Variants in CAMK2G observed in about 807,000 individuals in gnomAD.
CAMK2G encodes the protein calcium/calmodulin dependent protein kinase II gamma.
In CAMK2G, 23 loss-of-function variants were observed where a neutral mutation model predicts 88.7. The observed-to-expected ratio is 0.26, with a 90% CI of 0.19 to 0.37. The LOEUF (loss-of-function observed/expected upper bound fraction) is 0.37, where lower values mean the gene tolerates loss of function less well. Ranked by LOEUF, CAMK2G falls within the 10% of genes least tolerant of loss-of-function variation. The pLI, the probability that CAMK2G is intolerant of heterozygous loss-of-function variation, is 1.00. For missense variants in CAMK2G, 476 were observed against 780.8 expected (o/e 0.61, Z 4.65); for synonymous variants, 263 against 294.8 (o/e 0.89, Z 1.11).
intron 2 of CAMK2G, among the ~76,000 whole-genome samples, chr10:73,868,941 C>T (rs1315863000): frequency 6.6e-6 from 1 of 152,220 alleles, no homozygotes; most frequent in Non-Finnish European, 1.5e-5. Context: ...GCCTCAGACA[C>T]AGACACCCCA....
rs2093873119 is a variant in CAMK2G, at chr10:73,842,429, G to A, written c.903+29C>T. 2.0e-6 allele frequency: 3 copies of A among 1,527,896 alleles called. 1 individual carries two copies. In the South Asian group the frequency reaches 3.4e-5, roughly 17 times the overall value. The allele number at this position is 1,527,896 out of a possible 1,614,324, so 94.6% of individuals were successfully genotyped here. A position where few individuals can be genotyped will look rare whatever the true frequency, so the allele number is the denominator to read the frequency against. On this transcript the variant is annotated intron_variant, in intron 11 of 22. Transcript: ENST00000423381. The surrounding 1 kb of genome is among the most constrained non-coding windows in gnomAD (Gnocchi z 4.6). The stretch of plus-strand genomic sequence containing the variant: ...CACTGGTGCAAGGCATGATGTCAAG[G>A]AGGCTGGCAGCCTAGAAACGACACT...
At chr10:73,816,885 C>T (rs749954917) in intron 21 of CAMK2G, 138 bp downstream of exon 21, 4 of 1,607,962 alleles carry the variant, frequency 2.5e-6, no homozygotes, top group Non-Finnish European at 1.7e-6. Context: ...CACAAGGGGA[C>T]AAGCATACAG....
rs1221491288 is a variant in CAMK2G, at chr10:73,860,861, C to T, written c.189G>A (p.Arg63=). 1 of 1,613,938 alleles carries T rather than the reference C, an allele frequency of 6.2e-7. No homozygotes were observed. The highest frequency in any genetic ancestry group is 8.5e-7 in the Non-Finnish European group (1 of 1,179,798). The change falls in exon 3 of 23, where the codon CGG becomes CGA. Residue 63 remains arginine (R), a synonymous_variant. Coordinates refer to ENST00000423381, the MANE Select transcript of CAMK2G (RefSeq NM_001367534.1). ...RDHQKLEREA[R]ICRLLKHPNI... is the part of the protein sequence containing the mutation. ...TTGGATGTTTCAGAAGTCGACATAT[C>T]CGAGCCTCACGTTCTAGTTTCTGGT...
intron 5 of CAMK2G, among the ~76,000 whole-genome samples, chr10:73,851,750 T>TGGGG (rs34527786): frequency 4.9e-5 from 4 of 82,322 alleles, no homozygotes; most frequent in Non-Finnish European, 4.8e-5. Context: ...ATTTTTTTTG[T>TGGGG]GGGGGGGGGG....
chr10:73,819,547 G>A lies in CAMK2G; in HGVS notation c.1348C>T (p.Leu450Phe). The change falls in exon 19 of 23, where the codon CTC (leucine) becomes TTC (phenylalanine). Residue 450 changes from leucine (L) to phenylalanine (F), a missense_variant. Leu to Phe is a conservative substitution (Grantham distance 22, BLOSUM62 0). Transcript: ENST00000423381. ...PSAGMQPQPSLCSSAMRKQEI... is the reference protein window; with the variant it reads ...PSAGMQPQPSFCSSAMRKQEI... Reference sequence around the variant, plus strand: ...TCACACTTACTGGCTGAGGAGCAGAGAGAAGGCTGGGGCTGCATGCCTGCA... The same window carrying A: ...TCACACTTACTGGCTGAGGAGCAGAAAGAAGGCTGGGGCTGCATGCCTGCA... The A allele has an allele frequency of 1.3e-6, 2 of 1,549,186 alleles. No homozygotes were observed. Among genetic ancestry groups the A allele is most frequent in the South Asian group, 2.4e-5 (2 of 83,986 alleles).
chr10:73,831,196 A>T (rs1267178937), intron 14 of CAMK2G, among the ~76,000 whole-genome samples: 1 of 152,224 alleles, frequency 6.6e-6, no homozygotes, highest in Non-Finnish European at 1.5e-5. Context: ...AAAACAGAGA[A>T]GGGGCATGGG....
chr10:73,867,170 CA>C (rs1313134241), intron 2 of CAMK2G, among the ~76,000 whole-genome samples: 1 of 152,204 alleles, frequency 6.6e-6, no homozygotes, highest in Non-Finnish European at 1.5e-5. Flanking sequence ...CTCACTCAAG[CA>C]GTTTTAACTT....
intron 12 of CAMK2G, among the ~76,000 whole-genome samples, chr10:73,841,399 C>G (rs2093775842): frequency 6.6e-6 from 1 of 152,010 alleles, no homozygotes; most frequent in Non-Finnish European, 1.5e-5. Flanking sequence ...GCAGAGCCCT[C>G]TCTGTCTTCA....
At position 73,842,897 on chromosome 10, in the gene CAMK2G, GCGTTC is replaced by G. The variant is rs2093919420; in HGVS notation, c.820-361_820-357del. ...GGCAGCTGTTTACTGAGCACCTACTGCGTTCCAGATGCTCAGCAGCGAGAGAACGG... is the reference window on the plus strand; with the variant it reads ...GGCAGCTGTTTACTGAGCACCTACTGCAGATGCTCAGCAGCGAGAGAACGG... On this transcript the variant is annotated intron_variant, in intron 10 of 22. Transcript: ENST00000423381. The surrounding 1 kb of genome is among the most constrained non-coding windows in gnomAD (Gnocchi z 4.6). Among the ~76,000 whole-genome samples the G allele has an allele frequency of 1.3e-5, 2 of 152,054 alleles. No individual in the cohort carries two copies. The highest frequency in any genetic ancestry group is 2.9e-5 in the Non-Finnish European group (2 of 68,008).
Position 73,829,686 on chromosome 10 carries a change from T to TCTATA in CAMK2G, c.1054-1566_1054-1565insTATAG, listed in dbSNP as rs111294210. Among the ~76,000 whole-genome samples, 1,082 of 150,356 alleles carry TCTATA rather than the reference T, an allele frequency of 7.2e-3. 21 individuals are homozygous for TCTATA. The highest frequency in any genetic ancestry group is 0.023 in the African/African-American group (919 of 40,598). On this transcript the variant is annotated intron_variant, in intron 14 of 22. Coordinates refer to ENST00000423381, the MANE Select transcript of CAMK2G (RefSeq NM_001367534.1). The stretch of plus-strand genomic sequence containing the variant: ...AAGAAGGAGTTCCCTTATATTCATA[T>TCTATA]ATATAAGTAGTGGGGTGTGTGTGTG...
chr10:73,868,743 G>A (rs1343478601), intron 2 of CAMK2G, among the ~76,000 whole-genome samples: 1 of 152,098 alleles, frequency 6.6e-6, no homozygotes, highest in Admixed American at 6.5e-5. Context: ...AGTCTCACTT[G>A]GAGATACCAC....
At chr10:73,833,688 C>A (rs527796940) in intron 14 of CAMK2G, among the ~76,000 whole-genome samples, 3 of 151,562 alleles carry the variant, frequency 2.0e-5, no homozygotes, top group Non-Finnish European at 2.9e-5. Context: ...CTCTGCCCCC[C>A]GCAAGGTTCA....
intron 2 of CAMK2G, among the ~76,000 whole-genome samples, chr10:73,863,937 G>A (rs1237723779): frequency 6.6e-6 from 1 of 152,222 alleles, no homozygotes; most frequent in Non-Finnish European, 1.5e-5. Flanking sequence ...AAGCTGTGGA[G>A]TATGGCAATT....
In CAMK2G at chr10:73,819,802, C is replaced by T. The variant is rs568425762; in HGVS notation, c.1250-157G>A. 1.0e-3 allele frequency among the ~76,000 whole-genome samples: 156 copies of T among 152,340 alleles called. 1 individual carries two copies. Among genetic ancestry groups the T allele is most frequent in the African/African-American group, 3.5e-3 (147 of 41,590 alleles). On this transcript the variant is annotated intron_variant, in intron 18 of 22. Coordinates refer to ENST00000423381, the MANE Select transcript of CAMK2G (RefSeq NM_001367534.1). ...GCCTCAGGCTGCTGTGGACACTGGA[C>T]GACATCCCACGCCGCCGCCTCTGCC...
intron 10 of CAMK2G, chr10:73,846,720 C>CA (rs1310450622): frequency 6.6e-6 from 1 of 152,596 alleles, no homozygotes; most frequent in South Asian, 2.1e-4. Context: ...TGTATAAAAA[C>CA]AGAGTACGTC....
chr10:73,868,443 G>A (rs188226291), intron 2 of CAMK2G, among the ~76,000 whole-genome samples: 2 of 152,178 alleles, frequency 1.3e-5, no homozygotes, highest in African/African-American at 4.8e-5. Flanking sequence ...GACAAAAGCC[G>A]CCTGGCAGAA....
chr10:73,817,104 G>C lies in CAMK2G; in HGVS notation c.1453C>G (p.Pro485Ala), dbSNP rs2085866649. ...DFEAYTKICD[P>A]GLTSFEPEAL... ...TCAGGCTCAAAGGAAGTGAGGCCTG[G>C]ATCACAAATCTTCCTACAGGGAGAA... is the stretch of plus-strand genomic sequence containing the variant. Residue 485 changes from proline to alanine, a missense_variant, in exon 21 of 23, where the codon CCA becomes GCA. Pro to Ala is a conservative substitution (Grantham distance 27). Transcript: ENST00000423381. 1 of 1,609,524 alleles carries C rather than the reference G, an allele frequency of 6.2e-7. No homozygotes were observed. Among genetic ancestry groups the C allele is most frequent in the East Asian group, 2.2e-5 (1 of 44,866 alleles).
intron 16 of CAMK2G, among the ~76,000 whole-genome samples, chr10:73,824,897 G>T (rs1372723253): frequency 6.6e-6 from 1 of 152,164 alleles, no homozygotes; most frequent in Admixed American, 6.5e-5. Flanking sequence ...TTACAAGGGG[G>T]CCTCCAAGAA....
Position 73,814,341 on chromosome 10 carries a change from G to C in CAMK2G, c.*177C>G, listed in dbSNP as rs1589655234. 1 of 138,058 alleles carries C rather than the reference G, an allele frequency of 7.2e-6. No homozygotes were observed. Among genetic ancestry groups the C allele is most frequent in the African/African-American group, 2.7e-5 (1 of 37,224 alleles). The allele number at this position is 138,058 out of a possible 1,614,324, so 8.6% of individuals were successfully genotyped here. ...ACCTCGGTACAGCAGAGACAGACAC[G>C]AAGGGCGGGCGGGAGGGCTGCATGC... is the stretch of plus-strand genomic sequence containing the variant. On this transcript the variant is annotated 3_prime_UTR_variant, in exon 23 of 23. Transcript: ENST00000423381.
Sources: allele counts gnomAD v4.1 joint callset (sites outside exome capture counted in the v4.1 genomes callset), GRCh38; gene constraint gnomAD v4.1.1; non-coding constraint Gnocchi (gnomAD v3.1); transcripts MANE v1.5; gene names NCBI Gene and HGNC (gene_info 2026-07-23, HGNC 2026-07-21).